GRIN2C: variants seen among roughly 807,000 people sequenced by gnomAD.
The protein encoded by GRIN2C is glutamate ionotropic receptor NMDA type subunit 2C.
Under a neutral mutation model 77.7 loss-of-function variants are expected in GRIN2C, and 64 were observed. That is an observed-to-expected ratio of 0.82 (90% CI 0.67 to 1.01). GRIN2C has a LOEUF of 1.01. Ranked by LOEUF, GRIN2C falls within the 50% of genes least tolerant of loss-of-function variation. The probability of loss-of-function intolerance (pLI) is 0.00; values close to 1 mark genes in which losing one functional copy is unlikely to be tolerated. For synonymous variants in GRIN2C, 792 were observed against 643.4 expected (o/e 1.23, Z -3.49); for missense variants, 1,549 against 1,486.0 (o/e 1.04, Z -0.70).
Position 74,847,272 on chromosome 17 carries a change from G to GGCCCCCC in GRIN2C, c.2001+35_2001+36insGGGGGGC. 5.8e-5 allele frequency: 40 copies of GGCCCCCC among 692,250 alleles called. No homozygotes were observed. The highest frequency in any genetic ancestry group is 7.0e-5 in the Non-Finnish European group (27 of 384,354). The allele number at this position is 692,250 out of a possible 1,614,324, so 42.9% of individuals were successfully genotyped here. A position where few individuals can be genotyped will look rare whatever the true frequency, so the allele number is the denominator to read the frequency against. On this transcript the variant is annotated intron_variant, in intron 9 of 12. Transcript: ENST00000293190. This position sits in a 1 kb window ranked among gnomAD's most constrained non-coding sequence, Gnocchi z 5.2. ...CTCACGGCCTGTCCCCACCCTCAGT[G>GGCCCCCC]CCCCCCCCCACCCCCAGCAGCTATG...
intron 11 of GRIN2C, among the ~76,000 whole-genome samples, chr17:74,845,599 A>ACTC (rs1372174015): frequency 6.6e-6 from 1 of 151,924 alleles, no homozygotes; most frequent in African/African-American, 2.4e-5. Flanking sequence ...CAAGAATGGA[A>ACTC]CTCCTCCAAA....
intron 1 of GRIN2C, among the ~76,000 whole-genome samples, chr17:74,857,508 G>A (rs1363549906): frequency 1.3e-5 from 2 of 152,136 alleles, no homozygotes; most frequent in Non-Finnish European, 2.9e-5. Context: ...GCAAGGGATC[G>A]ATCCTAGCCA....
Position 74,850,079 on chromosome 17 carries a change from G to T in GRIN2C, c.1491+127C>A. On this transcript the variant is annotated intron_variant, in intron 6 of 12. Coordinates refer to ENST00000293190, the MANE Select transcript of GRIN2C (RefSeq NM_000835.6). The surrounding 1 kb of genome is among the most constrained non-coding windows in gnomAD (Gnocchi z 5.3). The stretch of plus-strand genomic sequence containing the variant: ...CCCTCAGAGCTCAGCTTTCAGTACT[G>T]ACCACCCCAGGAGTCATCATTGGTG... The T allele has an allele frequency of 1.5e-6, 2 of 1,339,972 alleles. No individual in the cohort carries two copies. The highest frequency in any genetic ancestry group is 2.6e-5 in the South Asian group (2 of 76,784). 83.0% of individuals were successfully genotyped at this position (1,339,972 alleles called of 1,614,324 possible).
In GRIN2C at chr17:74,846,285, C is replaced by A; in HGVS notation, c.2163-32G>T. On this transcript the variant is annotated intron_variant, in intron 10 of 12. Coordinates refer to ENST00000293190, the MANE Select transcript of GRIN2C (RefSeq NM_000835.6). This position sits in a 1 kb window ranked among gnomAD's most constrained non-coding sequence, Gnocchi z 4.4. ...ACAGGCTGAGCCTCAGAGCTAGGGA[C>A]CATATGGGAGGGGAGGGGACACCGA... 1.3e-6 allele frequency: 2 copies of A among 1,599,506 alleles called. No individual in the cohort carries two copies. The highest frequency in any genetic ancestry group is 1.7e-6 in the Non-Finnish European group (2 of 1,167,656).
Position 74,842,738 on chromosome 17 carries a change from C to T in GRIN2C, c.3399G>A (p.Gln1133=), listed in dbSNP as rs1182630572. 2 of 703,154 alleles carry T rather than the reference C, an allele frequency of 2.8e-6. No individual in the cohort carries two copies. The highest frequency in any genetic ancestry group is 4.1e-5 in the Admixed American group (2 of 49,192). The allele number at this position is 703,154 out of a possible 1,614,324, so 43.6% of individuals were successfully genotyped here. A position where few individuals can be genotyped will look rare whatever the true frequency, so the allele number is the denominator to read the frequency against. The change falls in exon 13 of 13, where the codon CAG becomes CAA. Residue 1133 remains glutamine (Q), a synonymous_variant. Coordinates refer to ENST00000293190, the MANE Select transcript of GRIN2C (RefSeq NM_000835.6). ...CGGGGGCCCCTGCCTGCTCGCCCTC[C>T]TGGCAGGCCTCCCGGTAGATCGGCA... ...MCLPIYREAC[Q]EGEQAGAPAW...
Position 74,846,623 on chromosome 17 carries a change from T to G in GRIN2C, c.2162+137A>C. The G allele has an allele frequency of 1.1e-6, 1 of 901,198 alleles. No individual in the cohort carries two copies. The allele number at this position is 901,198 out of a possible 1,614,324, so 55.8% of individuals were successfully genotyped here. ...TCCATTTTTGCCTCAAGCTCCACTC[T>G]GCCCCAAGACCTCTTCCCTCCACCC... is the stretch of plus-strand genomic sequence containing the variant. On this transcript the variant is annotated intron_variant, in intron 10 of 12. Transcript: ENST00000293190. This position sits in a 1 kb window ranked among gnomAD's most constrained non-coding sequence, Gnocchi z 4.4.
At position 74,843,285 on chromosome 17, in the gene GRIN2C, G is replaced by T; in HGVS notation, c.2852C>A (p.Pro951Gln). ...GPSPCLPTPDPPPEPSPTGWG... is the reference protein window; with the variant it reads ...GPSPCLPTPDQPPEPSPTGWG... ...GCCCGTGGGGCTCGGCTCTGGGGGC[G>T]GGTCGGGGGTGGGCAGGCATGGGCT... Residue 951 changes from proline to glutamine, a missense_variant, in exon 13 of 13, where the codon CCG becomes CAG. By Grantham distance (76) the Pro-to-Gln change is moderately conservative. Around this residue, in one of 3 missense-constraint regions of GRIN2C, gnomAD observed 450 missense variants for 267.9 expected, o/e 1.68. Transcript: ENST00000293190. 1 of 1,065,014 alleles carries T rather than the reference G, an allele frequency of 9.4e-7. No homozygotes were observed. Among genetic ancestry groups the T allele is most frequent in the Non-Finnish European group, 1.3e-6 (1 of 777,510 alleles). 66.0% of individuals were successfully genotyped at this position (1,065,014 alleles called of 1,614,324 possible).
chr17:74,850,544 C>A lies in GRIN2C; in HGVS notation c.1325+12G>T. 6.2e-7 allele frequency: 1 copy of A among 1,612,264 alleles called. No individual in the cohort carries two copies. Among genetic ancestry groups the A allele is most frequent in the Non-Finnish European group, 8.5e-7 (1 of 1,178,798 alleles). On this transcript the variant is annotated intron_variant, in intron 5 of 12. Transcript: ENST00000293190. This position sits in a 1 kb window ranked among gnomAD's most constrained non-coding sequence, Gnocchi z 5.3. The stretch of plus-strand genomic sequence containing the variant: ...CCCAGCTCACACTAGCCTCCCAGGG[C>A]CCTCCACAGACCTGAAGGTGTGGTT...
chr17:74,856,787 CT>C (rs201700626), intron 1 of GRIN2C, among the ~76,000 whole-genome samples: 3 of 151,398 alleles, frequency 2.0e-5, no homozygotes, highest in African/African-American at 4.9e-5. Context: ...CTATCTCTCT[CT>C]TTTTTTTTAA....
intron 12 of GRIN2C, chr17:74,844,056 T>A: frequency 1.1e-6 from 1 of 881,040 alleles, no homozygotes; most frequent in East Asian, 2.7e-5. Context: ...TTATTTTCTG[T>A]AGAGATGGGT....
chr17:74,851,470 G>A (rs2037639780), intron 4 of GRIN2C, 107 bp downstream of exon 4: 1 of 653,840 alleles, frequency 1.5e-6, no homozygotes, highest in South Asian at 1.9e-5. Flanking sequence ...TGGAAGATGA[G>A]GGGTTGGATA....
chr17:74,847,689 C>T lies in GRIN2C; in HGVS notation c.1772-152G>A, dbSNP rs1233463377. 28 of 860,728 alleles carry T rather than the reference C, an allele frequency of 3.3e-5. No individual in the cohort carries two copies. Among genetic ancestry groups the T allele is most frequent in the Middle Eastern group, 3.4e-4 (1 of 2,922 alleles). 53.3% of individuals were successfully genotyped at this position (860,728 alleles called of 1,614,324 possible). The stretch of plus-strand genomic sequence containing the variant: ...TCCCTCGCCAGGTGAAGTGAGCTCA[C>T]GTGTGTGTTTCTGTGTGTGTGTGTC... On this transcript the variant is annotated intron_variant, in intron 8 of 12. Coordinates refer to ENST00000293190, the MANE Select transcript of GRIN2C (RefSeq NM_000835.6). The surrounding 1 kb of genome is among the most constrained non-coding windows in gnomAD (Gnocchi z 5.2).
At chr17:74,844,929 A>G (rs966709647) in intron 11 of GRIN2C, among the ~76,000 whole-genome samples, 1 of 151,820 alleles carries the variant, frequency 6.6e-6, no homozygotes, top group Admixed American at 6.6e-5. Context: ...TCTTATTATT[A>G]TTATTGTTAT....
At position 74,847,281 on chromosome 17, in the gene GRIN2C, C is replaced by G. The variant is rs746721366; in HGVS notation, c.2001+27G>C. 8.1e-6 allele frequency: 9 copies of G among 1,104,940 alleles called. No homozygotes were observed. Among genetic ancestry groups the G allele is most frequent in the South Asian group, 2.5e-5 (2 of 79,720 alleles). The allele number at this position is 1,104,940 out of a possible 1,614,324, so 68.4% of individuals were successfully genotyped here. On this transcript the variant is annotated intron_variant, in intron 9 of 12. Transcript: ENST00000293190. The surrounding 1 kb of genome is among the most constrained non-coding windows in gnomAD (Gnocchi z 5.2). ...TGTCCCCACCCTCAGTGCCCCCCCC[C>G]ACCCCCAGCAGCTATGGCCCCACAA...
chr17:74,843,198 C>T lies in GRIN2C; in HGVS notation c.2939G>A (p.Arg980His). 2.3e-6 allele frequency: 1 copy of T among 431,172 alleles called. No individual in the cohort carries two copies. The highest frequency in any genetic ancestry group is 3.9e-6 in the Non-Finnish European group (1 of 257,992). The allele number at this position is 431,172 out of a possible 1,614,324, so 26.7% of individuals were successfully genotyped here. A position where few individuals can be genotyped will look rare whatever the true frequency, so the allele number is the denominator to read the frequency against. Residue 980 changes from arginine to histidine, a missense_variant, in exon 13 of 13, where the codon CGC becomes CAC. Arg to His is a conservative substitution (Grantham distance 29, BLOSUM62 0). Around this residue, in one of 3 missense-constraint regions of GRIN2C, gnomAD observed 450 missense variants for 267.9 expected, o/e 1.68. Coordinates refer to ENST00000293190, the MANE Select transcript of GRIN2C (RefSeq NM_000835.6). ...LVRRAPQPPG[R>H]PPTPGPPLSD... Reference sequence around the variant, plus strand: ...CAGGGGCGGCCCCGGCGTCGGGGGGCGGCCCGGGGGCTGCGGAGCCCTGCG... The same window carrying T: ...CAGGGGCGGCCCCGGCGTCGGGGGGTGGCCCGGGGGCTGCGGAGCCCTGCG...
Position 74,850,346 on chromosome 17 carries a change from TG to T in GRIN2C, c.1350del (p.Lys451SerfsTer28). The T allele has an allele frequency of 6.2e-7, 1 of 1,613,230 alleles. No homozygotes were observed. The highest frequency in any genetic ancestry group is 8.5e-7 in the Non-Finnish European group (1 of 1,179,914). On this transcript the variant is annotated frameshift_variant, in exon 6 of 13. Coordinates refer to ENST00000293190, the MANE Select transcript of GRIN2C (RefSeq NM_000835.6). LOFTEE classifies it high-confidence loss of function. The surrounding 1 kb of genome is among the most constrained non-coding windows in gnomAD (Gnocchi z 5.3). Reference protein sequence around the residue: ...TFSSGDVAPYTKLCCKGFCID... With the variant: ...TFSSGDVAPYXKLCCKGFCID... Reference sequence around the variant, plus strand: ...ATGCAGAATCCCTTACAGCAGAGCTTGGTGTAGGGGGCCACGTCCCCGCTGC... The same window carrying T: ...ATGCAGAATCCCTTACAGCAGAGCTTGTGTAGGGGGCCACGTCCCCGCTGC...
At position 74,859,030 on chromosome 17, in the gene GRIN2C, G is replaced by A. The variant is rs1317100927; in HGVS notation, c.-16+714C>T. On this transcript the variant is annotated intron_variant, in intron 1 of 12. Transcript: ENST00000293190. This position sits in a 1 kb window ranked among gnomAD's most constrained non-coding sequence, Gnocchi z 5.9. ...CCCCTGCCCTGGCTTCCCCTCCTGG[G>A]TGGGGAGCTCTGTGTAGTGGTCCCC... Among the ~76,000 whole-genome samples the A allele has an allele frequency of 6.6e-6, 1 of 151,988 alleles. No individual in the cohort carries two copies. Among genetic ancestry groups the A allele is most frequent in the Non-Finnish European group, 1.5e-5 (1 of 67,970 alleles).
In GRIN2C at chr17:74,849,755, C is replaced by T. The variant is rs1020721292; in HGVS notation, c.1645+25G>A. On this transcript the variant is annotated intron_variant, in intron 7 of 12. Coordinates refer to ENST00000293190, the MANE Select transcript of GRIN2C (RefSeq NM_000835.6). The surrounding 1 kb of genome is among the most constrained non-coding windows in gnomAD (Gnocchi z 4.6). Reference sequence around the variant, plus strand: ...TCGTGGGCCCCTCTGCCCCCGGAGCCGTCTCTGCCCACCCTGGGCCTCACC... The same window carrying T: ...TCGTGGGCCCCTCTGCCCCCGGAGCTGTCTCTGCCCACCCTGGGCCTCACC... 5.0e-6 allele frequency: 8 copies of T among 1,600,916 alleles called. No homozygotes were observed. Among genetic ancestry groups the T allele is most frequent in the East Asian group, 2.2e-5 (1 of 44,718 alleles).
Position 74,852,051 on chromosome 17 carries a change from G to A in GRIN2C, c.960C>T (p.His320=). The change falls in exon 3 of 13, where the codon CAC becomes CAT. Residue 320 remains histidine (H), a synonymous_variant. Coordinates refer to ENST00000293190, the MANE Select transcript of GRIN2C (RefSeq NM_000835.6). ...LPAPAGDCRV[H]PGPVSPAREA... is the part of the protein sequence containing the mutation. Reference sequence around the variant, plus strand: ...CCCGGGCAGGGCTGACGGGCCCAGGGTGAACACGGCAGTCCCCGGCCGGGG... The same window carrying A: ...CCCGGGCAGGGCTGACGGGCCCAGGATGAACACGGCAGTCCCCGGCCGGGG... 1 of 1,464,280 alleles carries A rather than the reference G, an allele frequency of 6.8e-7. No individual in the cohort carries two copies. Among genetic ancestry groups the A allele is most frequent in the East Asian group, 2.5e-5 (1 of 39,282 alleles). The allele number at this position is 1,464,280 out of a possible 1,614,324, so 90.7% of individuals were successfully genotyped here.
Sources: gnomAD v4.1 joint callset for allele counts (sites outside exome capture counted in the v4.1 genomes callset) on GRCh38, gnomAD v4.1.1 for gene constraint, gnomAD v4.1.1 regional missense constraint, Gnocchi (gnomAD v3.1) non-coding constraint, MANE v1.5 for transcripts, NCBI Gene and HGNC (gene_info 2026-07-23, HGNC 2026-07-21) for gene names.